The following SAMSN1 variants were observed in gnomAD, a reference collection of about 807,000 sequenced individuals.
SAMSN1 encodes SAM domain-containing protein SAMSN-1.
In SAMSN1, 31 loss-of-function variants were observed where a neutral mutation model predicts 42.0. The ratio of observed to expected loss-of-function variants is 0.74; its 90% CI spans 0.55 to 1.00. The LOEUF (loss-of-function observed/expected upper bound fraction) is 1.00, where lower values mean the gene tolerates loss of function less well. SAMSN1 is among the 50% of genes least tolerant of loss of function. SAMSN1 has a pLI of 0.00. For missense variants in SAMSN1, 464 were observed against 439.4 expected, an observed-to-expected ratio of 1.06 and a Z score of -0.50; for synonymous variants, 178 against 151.9, an observed-to-expected ratio of 1.17 and a Z score of -1.26.
At chr21:14,575,782 A>T (rs1371230462) in intron 2 of SAMSN1, among the ~76,000 whole-genome samples, 1 of 152,194 alleles carries the variant, frequency 6.6e-6, no homozygotes, top group Non-Finnish European at 1.5e-5. Context: ...GCACAAAGAA[A>T]ATGAGAATGG....
intron 2 of SAMSN1, among the ~76,000 whole-genome samples, chr21:14,632,184 C>G (rs2123363483): frequency 6.6e-6 from 1 of 151,426 alleles, no homozygotes; most frequent in African/African-American, 2.4e-5. Context: ...TTGATTTGGC[C>G]ACTTCCTAAC....
chr21:14,559,110 T>C (rs1431656923), intron 2 of SAMSN1, among the ~76,000 whole-genome samples: 1 of 152,194 alleles, frequency 6.6e-6, no homozygotes, highest in Non-Finnish European at 1.5e-5. Flanking sequence ...AACTCCTGTT[T>C]GTGCAGATAG....
At chr21:14,509,558 A>T (rs1371094396) in intron 5 of SAMSN1, among the ~76,000 whole-genome samples, 1 of 152,154 alleles carries the variant, frequency 6.6e-6, no homozygotes, top group Non-Finnish European at 1.5e-5. Flanking sequence ...TAAAAATAAA[A>T]AATACTGGAA....
chr21:14,494,497 A>G (rs1455907956), intron 7 of SAMSN1, among the ~76,000 whole-genome samples: 1 of 152,190 alleles, frequency 6.6e-6, no homozygotes, highest in Non-Finnish European at 1.5e-5. Context: ...CACAAGTGGG[A>G]GTTGAACAAT....
intron 2 of SAMSN1, among the ~76,000 whole-genome samples, chr21:14,520,223 T>C (rs1978365550): frequency 6.6e-6 from 1 of 152,192 alleles, no homozygotes; most frequent in Non-Finnish European, 1.5e-5. Context: ...AATGTGTATG[T>C]AGCACTCACC....
At chr21:14,502,047 G>T in intron 5 of SAMSN1, among the ~76,000 whole-genome samples, 1 of 152,184 alleles carries the variant, frequency 6.6e-6, no homozygotes, top group South Asian at 2.1e-4. Flanking sequence ...GGACTTTACA[G>T]ATTCTAATAT....
chr21:14,542,826 C>T (rs1365323375), intron 1 of SAMSN1, among the ~76,000 whole-genome samples: 1 of 152,016 alleles, frequency 6.6e-6, no homozygotes, highest in Admixed American at 6.6e-5. Flanking sequence ...TGCCTGTGGT[C>T]CCAGCTACTC....
At chr21:14,604,561 C>CA (rs1413076028) in intron 5 of SAMSN1, among the ~76,000 whole-genome samples, 3 of 152,130 alleles carry the variant, frequency 2.0e-5, no homozygotes, top group South Asian at 2.1e-4. Context: ...AGCAAAAAAA[C>CA]AAAAAAACAA....
At chr21:14,594,616 T>A (rs1489698260) in intron 6 of SAMSN1, 4 of 152,254 alleles carry the variant, frequency 2.6e-5, no homozygotes, top group Non-Finnish European at 5.9e-5. Context: ...TTGGTACCTG[T>A]CAGTGTAACC....
chr21:14,635,510 T>C (rs938400646), intron 2 of SAMSN1, among the ~76,000 whole-genome samples: 3 of 152,220 alleles, frequency 2.0e-5, no homozygotes, highest in African/African-American at 7.2e-5. Context: ...TTTGTGGAGA[T>C]TAAAATCTTG....
At chr21:14,520,196 A>G (rs1479983367) in intron 2 of SAMSN1, among the ~76,000 whole-genome samples, 1 of 152,166 alleles carries the variant, frequency 6.6e-6, no homozygotes, top group Non-Finnish European at 1.5e-5. Context: ...CTACGGTTAA[A>G]ATGTTCATAG....
intron 2 of SAMSN1, among the ~76,000 whole-genome samples, chr21:14,623,833 G>C (rs888998090): frequency 1.3e-5 from 2 of 152,154 alleles, no homozygotes; most frequent in Admixed American, 6.5e-5. Flanking sequence ...ATTCTTTTCA[G>C]CACCACACCA....
intron 4 of SAMSN1, among the ~76,000 whole-genome samples, chr21:14,610,193 G>A (rs774593412): frequency 9.9e-5 from 15 of 152,098 alleles, no homozygotes; most frequent in Admixed American, 1.3e-4. Context: ...GAGAAATATC[G>A]CTGAATTCTT....
intron 1 of SAMSN1, among the ~76,000 whole-genome samples, chr21:14,651,871 G>A (rs897661413): frequency 6.6e-6 from 1 of 151,874 alleles, no homozygotes; most frequent in Non-Finnish European, 1.5e-5. Flanking sequence ...GCATTTCTAT[G>A]AGAACAGGCA....
chr21:14,577,284 A>ATATATTT (rs1460040142), intron 2 of SAMSN1, among the ~76,000 whole-genome samples: 22 of 53,850 alleles, frequency 4.1e-4, no homozygotes, highest in South Asian at 1.3e-3. Flanking sequence ...ATATATATAT[A>ATATATTT]TTTTTTTTTT....
intron 2 of SAMSN1, among the ~76,000 whole-genome samples, chr21:14,558,203 A>T (rs1980823850): frequency 1.3e-5 from 2 of 152,288 alleles, no homozygotes; most frequent in African/African-American, 4.8e-5. Flanking sequence ...TCTCAACTGT[A>T]TAGGTGTGCA....
Position 14,612,723 on chromosome 21 carries a change from C to T in SAMSN1, c.235+153G>A, listed in dbSNP as rs994485741. The T allele has an allele frequency of 3.8e-5, 25 of 654,276 alleles. No individual in the cohort carries two copies. The Admixed American group carries it at 5.3e-4, about 14-fold the overall frequency. 40.5% of individuals were successfully genotyped at this position (654,276 alleles called of 1,614,324 possible). ...ATAGCCATTTAAAGTTAGAATGAAG[C>T]CACTTTTAAAAAATGTTCTTCTATA... On this transcript the variant is annotated intron_variant, in intron 4 of 15. Transcript: ENST00000647101.
intron 2 of SAMSN1, among the ~76,000 whole-genome samples, chr21:14,552,982 C>G (rs1980646908): frequency 6.6e-6 from 1 of 151,952 alleles, no homozygotes; most frequent in Non-Finnish European, 1.5e-5. Context: ...CACAAGCACC[C>G]TCTCCCATCC....
chr21:14,645,131 C>T (rs74872184), intron 1 of SAMSN1, among the ~76,000 whole-genome samples: 12,850 of 152,260 alleles, frequency 0.084, 681 homozygotes, highest in Admixed American at 0.18. Flanking sequence ...GGATTTGCCA[C>T]CTGCTGACTG....
Sources: gnomAD v4.1 joint callset for allele counts (sites outside exome capture counted in the v4.1 genomes callset) on GRCh38, gnomAD v4.1.1 for gene constraint, MANE v1.5 for transcripts, NCBI Gene and HGNC (gene_info 2026-07-23, HGNC 2026-07-21) for gene names.